Variants in ASIC2 observed in about 807,000 individuals in gnomAD.
ASIC2 encodes acid-sensing ion channel 2.
In ASIC2, 25 loss-of-function variants were observed where a neutral mutation model predicts 57.3. The observed-to-expected ratio is 0.44, with a 90% CI of 0.32 to 0.61. The LOEUF (loss-of-function observed/expected upper bound fraction) is 0.61. ASIC2 is among the 20% of genes least tolerant of loss of function. ASIC2 has a pLI of 0.06. For missense variants in ASIC2, 641 were observed against 738.1 expected (o/e 0.87, Z 1.52); for synonymous variants, 319 against 307.5 (o/e 1.04, Z -0.39).
intron 1 of ASIC2, among the ~76,000 whole-genome samples, chr17:34,129,142 A>G (rs761976685): frequency 4.6e-5 from 7 of 152,198 alleles, no homozygotes; most frequent in Non-Finnish European, 1.0e-4. Flanking sequence ...GCTTACATCT[A>G]CTAAATACCT....
Position 33,700,252 on chromosome 17 carries a change from C to T in ASIC2, c.555+455726G>A, listed in dbSNP as rs554360048. The stretch of plus-strand genomic sequence containing the variant: ...CTCAGGGAAATAGCAAGAAACTTTG[C>T]TTTCCTCTGGACTCTGGGGAGGTGA... On this transcript the variant is annotated intron_variant, in intron 1 of 9. Transcript: ENST00000359872. Among the ~76,000 whole-genome samples, 42 of 152,158 alleles carry T rather than the reference C, an allele frequency of 2.8e-4. 1 individual carries two copies. Among genetic ancestry groups the T allele is most frequent in the Non-Finnish European group, 5.4e-4 (37 of 67,998 alleles).
At chr17:33,827,147 A>G (rs1197985716) in intron 1 of ASIC2, among the ~76,000 whole-genome samples, 3 of 152,058 alleles carry the variant, frequency 2.0e-5, no homozygotes, top group Admixed American at 1.3e-4. Flanking sequence ...TAGCTTCCTT[A>G]TCTATTAAAT....
intron 1 of ASIC2, among the ~76,000 whole-genome samples, chr17:34,020,626 C>A (rs1309210245): frequency 2.6e-5 from 4 of 152,130 alleles, no homozygotes; most frequent in Admixed American, 1.3e-4. Context: ...TGAGAAAAAA[C>A]CAGAAGCCTC....
intron 1 of ASIC2, among the ~76,000 whole-genome samples, chr17:34,090,836 G>T (rs934258299): frequency 6.6e-6 from 1 of 152,152 alleles, no homozygotes; most frequent in Admixed American, 6.5e-5. Flanking sequence ...CACCTCTTCC[G>T]CTTTTATTCC....
chr17:33,826,187 T>G (rs1912903318), intron 1 of ASIC2, among the ~76,000 whole-genome samples: 1 of 152,232 alleles, frequency 6.6e-6, no homozygotes, highest in Non-Finnish European at 1.5e-5. Context: ...CAAGGTTACC[T>G]TTTATAGTTC....
intron 1 of ASIC2, among the ~76,000 whole-genome samples, chr17:33,471,500 C>T (rs946793697): frequency 6.6e-5 from 10 of 152,142 alleles, no homozygotes; most frequent in Non-Finnish European, 1.5e-5. Context: ...ATCGCCTGTA[C>T]TTGATTTGCT....
intron 1 of ASIC2, chr17:33,533,603 A>G (rs1915128246): frequency 6.6e-6 from 1 of 152,212 alleles, no homozygotes; most frequent in Non-Finnish European, 1.5e-5. Context: ...TAGTTATCTT[A>G]CCTGTCAAAT....
intron 1 of ASIC2, among the ~76,000 whole-genome samples, chr17:33,320,067 G>A (rs1483758574): frequency 2.0e-5 from 3 of 152,212 alleles, no homozygotes; most frequent in South Asian, 2.1e-4. Context: ...TAAGGAGCTC[G>A]TGGAGCAGTA....
chr17:33,682,914 G>C (rs942111228), intron 1 of ASIC2, among the ~76,000 whole-genome samples: 1 of 152,166 alleles, frequency 6.6e-6, no homozygotes, highest in African/African-American at 2.4e-5. Flanking sequence ...TTCAACATCT[G>C]CCCACAGCTC....
chr17:33,891,968 T>A (rs1482582362), intron 1 of ASIC2, among the ~76,000 whole-genome samples: 1 of 152,328 alleles, frequency 6.6e-6, no homozygotes, highest in South Asian at 2.1e-4. Context: ...GTCTACCATT[T>A]TCCCTTCTGA....
At chr17:33,376,971 T>G (rs1909301183) in intron 1 of ASIC2, among the ~76,000 whole-genome samples, 1 of 152,218 alleles carries the variant, frequency 6.6e-6, no homozygotes, top group Non-Finnish European at 1.5e-5. Context: ...TCAAAGAGGC[T>G]AAGTAATTCA....
intron 1 of ASIC2, among the ~76,000 whole-genome samples, chr17:33,841,580 A>G (rs1913439594): frequency 6.6e-6 from 1 of 152,222 alleles, no homozygotes; most frequent in Admixed American, 6.5e-5. Context: ...ATGCCACTTT[A>G]CACAGTGAGA....
At chr17:33,430,926 T>A (rs1911393922) in intron 1 of ASIC2, among the ~76,000 whole-genome samples, 1 of 152,088 alleles carries the variant, frequency 6.6e-6, no homozygotes, top group Non-Finnish European at 1.5e-5. Context: ...GCACACTGGG[T>A]AATGAGGTAT....
At chr17:33,467,410 T>C (rs1912903510) in intron 1 of ASIC2, among the ~76,000 whole-genome samples, 1 of 152,174 alleles carries the variant, frequency 6.6e-6, no homozygotes, top group Non-Finnish European at 1.5e-5. Flanking sequence ...CCCCCAACCA[T>C]CTGAATGGAT....
chr17:33,525,542 C>T (rs1290817897), intron 1 of ASIC2, among the ~76,000 whole-genome samples: 1 of 152,182 alleles, frequency 6.6e-6, no homozygotes, highest in African/African-American at 2.4e-5. Flanking sequence ...AGCTCGGGCT[C>T]ACGGGTTCTG....
chr17:34,105,090 T>C (rs1042053076), intron 1 of ASIC2, among the ~76,000 whole-genome samples: 1 of 152,070 alleles, frequency 6.6e-6, no homozygotes, highest in African/African-American at 2.4e-5. Flanking sequence ...TGTTGAAATG[T>C]TTTGATTTAA....
At chr17:33,949,135 T>C (rs1314970331) in intron 1 of ASIC2, among the ~76,000 whole-genome samples, 3 of 152,182 alleles carry the variant, frequency 2.0e-5, no homozygotes, top group Non-Finnish European at 4.4e-5. Flanking sequence ...CAGTGGGCCA[T>C]GCAAAAACAA....
chr17:33,372,427 G>A (rs1909106650), intron 1 of ASIC2, among the ~76,000 whole-genome samples: 1 of 152,038 alleles, frequency 6.6e-6, no homozygotes, highest in Non-Finnish European at 1.5e-5. Flanking sequence ...TGGGGCCCGG[G>A]GGAATGAGAC....
At chr17:34,120,636 T>C (rs1567829218) in intron 1 of ASIC2, among the ~76,000 whole-genome samples, 2 of 149,876 alleles carry the variant, frequency 1.3e-5, no homozygotes, top group East Asian at 1.9e-4. Flanking sequence ...TATTTGGAAA[T>C]AGGGTCACTG....
Sources: allele counts gnomAD v4.1 joint callset (sites outside exome capture counted in the v4.1 genomes callset), GRCh38; gene constraint gnomAD v4.1.1; transcripts MANE v1.5; gene names NCBI Gene and HGNC (gene_info 2026-07-23, HGNC 2026-07-21).